The following ARHGEF33 variants were observed in gnomAD, a reference collection of about 807,000 sequenced individuals.
ARHGEF33 encodes the protein Rho guanine nucleotide exchange factor 33.
Under a neutral mutation model 101.9 loss-of-function variants are expected in ARHGEF33, and 72 were observed. The ratio of observed to expected loss-of-function variants is 0.71; its 90% CI spans 0.58 to 0.86. The LOEUF is 0.86. Ranked by LOEUF, ARHGEF33 falls within the 40% of genes least tolerant of loss-of-function variation. The probability of loss-of-function intolerance (pLI) is 0.00; values close to 1 mark genes in which losing one functional copy is unlikely to be tolerated. For missense variants in ARHGEF33, 1,169 were observed against 1,111.3 expected (o/e 1.05, Z -0.74); for synonymous variants, 499 against 442.5 (o/e 1.13, Z -1.60).
chr2:38,958,393 A>T (rs1265389223), intron 15 of ARHGEF33, among the ~76,000 whole-genome samples, 195 bp downstream of exon 15: 2 of 152,190 alleles, frequency 1.3e-5, no homozygotes, highest in Admixed American at 1.3e-4. Context: ...AGAAAGTGGG[A>T]AGAGAGGCAG....
chr2:38,942,750 T>G (rs548879895), intron 9 of ARHGEF33, among the ~76,000 whole-genome samples: 1 of 152,304 alleles, frequency 6.6e-6, no homozygotes, highest in East Asian at 1.9e-4. Flanking sequence ...TATATATGCT[T>G]TTTCTTCTCA....
intron 2 of ARHGEF33, among the ~76,000 whole-genome samples, chr2:38,897,997 G>C (rs894727651): frequency 5.3e-5 from 8 of 152,168 alleles, no homozygotes; most frequent in Admixed American, 2.0e-4. Context: ...GCACAAAGGG[G>C]TTGGTCCGTT....
At chr2:38,907,751 A>C (rs1011042990) in intron 2 of ARHGEF33, among the ~76,000 whole-genome samples, 16 of 151,786 alleles carry the variant, frequency 1.1e-4, no homozygotes, top group Non-Finnish European at 4.4e-5. Context: ...CTTCCTATCA[A>C]TTGGGACTTA....
intron 17 of ARHGEF33, among the ~76,000 whole-genome samples, chr2:38,972,305 G>A (rs1668183313): frequency 6.6e-6 from 1 of 152,192 alleles, no homozygotes; most frequent in Non-Finnish European, 1.5e-5. Flanking sequence ...AAGGCCCGGA[G>A]TTTTAGGGTG....
Position 38,958,108 on chromosome 2 carries a change from C to G in ARHGEF33, c.1445C>G (p.Ala482Gly), listed in dbSNP as rs373382570. 12 of 1,552,186 alleles carry G rather than the reference C, an allele frequency of 7.7e-6. No individual in the cohort carries two copies. The African/African-American group carries it at 1.5e-4, about 19-fold the overall frequency. The change falls in exon 15 of 18, where the codon GCA (alanine) becomes GGA (glycine). Residue 482 changes from alanine (A) to glycine (G), a missense_variant. By Grantham distance (60) the Ala-to-Gly change is moderately conservative (BLOSUM62 0). Transcript: ENST00000409978. The part of the protein sequence containing the change: ...ANAGQDASPT[A>G]GPEAVRDTGI... ...GCTGGGCAAGATGCTTCCCCCACTG[C>G]AGGTCCTGAGGCTGTCCGTGACACT... is the stretch of plus-strand genomic sequence containing the variant.
At chr2:38,957,846 A>C (rs1667808502) in intron 14 of ARHGEF33, 188 bp from the exon 15 acceptor site, 1 of 621,794 alleles carries the variant, frequency 1.6e-6, no homozygotes, top group African/African-American at 1.8e-5. Flanking sequence ...CCAGTGAATC[A>C]GCTTCCCTAG....
At chr2:38,896,162 A>T (rs1666118390) in intron 2 of ARHGEF33, among the ~76,000 whole-genome samples, 1 of 152,164 alleles carries the variant, frequency 6.6e-6, no homozygotes, top group South Asian at 2.1e-4. Flanking sequence ...TTTTGTTTTG[A>T]GATAGAGTCT....
intron 3 of ARHGEF33, among the ~76,000 whole-genome samples, chr2:38,920,446 C>T (rs533311916): frequency 5.2e-5 from 7 of 135,166 alleles, no homozygotes; most frequent in Admixed American, 8.4e-5. Context: ...TCGCTCTTGT[C>T]GCCCAGGCTG....
At chr2:38,972,100 G>T (rs1393724279) in intron 17 of ARHGEF33, among the ~76,000 whole-genome samples, 1 of 152,166 alleles carries the variant, frequency 6.6e-6, no homozygotes, top group Non-Finnish European at 1.5e-5. Context: ...GGAACAAGAA[G>T]AAATAGCAGC....
chr2:38,928,003 A>G (rs1027417442), intron 4 of ARHGEF33, among the ~76,000 whole-genome samples: 3 of 152,196 alleles, frequency 2.0e-5, no homozygotes, highest in African/African-American at 7.2e-5. Context: ...CGTTTCTTGA[A>G]CATCTGTGTA....
At chr2:38,970,233 C>G (rs751145001) in intron 17 of ARHGEF33, among the ~76,000 whole-genome samples, 4 of 152,162 alleles carry the variant, frequency 2.6e-5, no homozygotes, top group Admixed American at 1.3e-4. Flanking sequence ...TGTCTATTTT[C>G]TTAATCACAC....
chr2:38,937,975 A>T (rs1461264418), intron 9 of ARHGEF33, among the ~76,000 whole-genome samples: 2 of 152,164 alleles, frequency 1.3e-5, no homozygotes, highest in Non-Finnish European at 2.9e-5. Flanking sequence ...ATCACAAAGT[A>T]TTGCTGAACA....
At chr2:38,942,061 T>C (rs181992046) in intron 9 of ARHGEF33, among the ~76,000 whole-genome samples, 58 of 152,076 alleles carry the variant, frequency 3.8e-4, no homozygotes, top group Non-Finnish European at 6.5e-4. Flanking sequence ...CCATTTTCTT[T>C]CTTTTTTCTG....
intron 2 of ARHGEF33, among the ~76,000 whole-genome samples, chr2:38,899,936 C>A (rs1276246695): frequency 6.6e-6 from 1 of 151,980 alleles, no homozygotes; most frequent in Non-Finnish European, 1.5e-5. Context: ...TGACTGTAAT[C>A]CTAGCACTTT....
chr2:38,912,242 G>GC lies in ARHGEF33; in HGVS notation c.-85-7120dup, dbSNP rs1372513409. Reference sequence around the variant, plus strand: ...AGGAGCCACATTAACTTGGTGAGAGGCATGTGGCAGCATCTGATGGTTATT... The same window carrying GC: ...AGGAGCCACATTAACTTGGTGAGAGGCCATGTGGCAGCATCTGATGGTTATT... On this transcript the variant is annotated intron_variant, in intron 2 of 17. Transcript: ENST00000409978. 2.0e-4 allele frequency among the ~76,000 whole-genome samples: 30 copies of GC among 152,310 alleles called. No individual in the cohort carries two copies. The East Asian group carries it at 5.6e-3, about 28-fold the overall frequency.
intron 4 of ARHGEF33, among the ~76,000 whole-genome samples, chr2:38,927,363 G>A (rs1193000600): frequency 6.6e-6 from 1 of 152,198 alleles, no homozygotes; most frequent in Non-Finnish European, 1.5e-5. Flanking sequence ...AAGAAACTTT[G>A]TTAAGGTATC....
At chr2:38,943,191 G>A (rs1263410931) in intron 9 of ARHGEF33, among the ~76,000 whole-genome samples, 1 of 152,198 alleles carries the variant, frequency 6.6e-6, no homozygotes, top group Non-Finnish European at 1.5e-5. Flanking sequence ...GCCTCCCAAA[G>A]TGCTAGGATT....
At chr2:38,936,773 C>T (rs946566678) in intron 8 of ARHGEF33, 2 of 151,822 alleles carry the variant, frequency 1.3e-5, no homozygotes, top group African/African-American at 4.8e-5. Context: ...GTCAGGAATT[C>T]AAGACCAGCC....
chr2:38,938,600 A>G (rs1270933523), intron 9 of ARHGEF33, among the ~76,000 whole-genome samples: 1 of 152,222 alleles, frequency 6.6e-6, no homozygotes, highest in Admixed American at 6.5e-5. Context: ...GAATTTACAT[A>G]GAGTAAAATT....
Sources: gnomAD v4.1 joint callset for allele counts (sites outside exome capture counted in the v4.1 genomes callset) on GRCh38, gnomAD v4.1.1 for gene constraint, MANE v1.5 for transcripts, NCBI Gene and HGNC (gene_info 2026-07-23, HGNC 2026-07-21) for gene names.